Variants in ECT2 observed in about 807,000 individuals in gnomAD.
The protein encoded by ECT2 is protein ECT2.
A neutral mutation model predicts 116.9 loss-of-function variants in ECT2; 61 were observed. That is an observed-to-expected ratio of 0.52 (90% CI 0.42 to 0.65). The LOEUF is 0.65. Among genes scored for constraint, ECT2 ranks in the 30% least tolerant of loss-of-function variants. The pLI, the probability that ECT2 is intolerant of heterozygous loss-of-function variation, is 0.00. For synonymous variants in ECT2, 358 were observed against 346.4 expected (o/e 1.03, Z -0.37); for missense variants, 937 against 1,078.7 (o/e 0.87, Z 1.84).
At chr3:172,827,995 T>A in the ECT2 span, among the ~76,000 whole-genome samples, 4 of 152,192 alleles carry the variant, frequency 2.6e-5, no homozygotes, top group African/African-American at 9.6e-5. Context: ...AAAGATGATA[T>A]GATTGCTTAG....
intron 15 of ECT2, among the ~76,000 whole-genome samples, chr3:172,782,688 C>T (rs1722916010): frequency 6.6e-6 from 1 of 152,150 alleles, no homozygotes; most frequent in Non-Finnish European, 1.5e-5. Flanking sequence ...CTCCTTCCTC[C>T]TACCCTCCAC....
chr3:172,782,171 T>A lies in ECT2; in HGVS notation c.1557T>A (p.Leu519=). Residue 519 remains leucine (L), a synonymous_variant, in exon 15 of 25, where the codon CTT becomes CTA. Coordinates refer to ENST00000392692, the MANE Select transcript of ECT2 (RefSeq NM_001258315.2). ...FDVHTKIKDD[L]EDLIVNWDES... ...AATTCGTGCTATTTCAGGATGATCT[T>A]GAAGACCTTATAGTTAATTGGGATG... 9.5e-6 allele frequency: 15 copies of A among 1,572,016 alleles called. No individual in the cohort carries two copies. Among genetic ancestry groups the A allele is most frequent in the Non-Finnish European group, 1.3e-5 (15 of 1,154,810 alleles).
At chr3:172,795,323 CAAA>C (rs35674521) in intron 18 of ECT2, among the ~76,000 whole-genome samples, 64 of 104,398 alleles carry the variant, frequency 6.1e-4, no homozygotes, top group South Asian at 1.6e-3. Flanking sequence ...GAGACGCTAT[CAAA>C]AAAAAAAAAA....
chr3:172,777,334 T>C (rs1173617094), intron 14 of ECT2, among the ~76,000 whole-genome samples: 1 of 152,220 alleles, frequency 6.6e-6, no homozygotes, highest in Non-Finnish European at 1.5e-5. Context: ...ACCCACTGTC[T>C]AGCATTTAGA....
chr3:172,791,825 A>G (rs62281233), intron 18 of ECT2, among the ~76,000 whole-genome samples: 15,655 of 152,222 alleles, frequency 0.1, 1,050 homozygotes, highest in Non-Finnish European at 0.15. Flanking sequence ...TTTCTTTTGC[A>G]TTCACAGTTT....
chr3:172,805,692 C>A (rs1727551120), intron 20 of ECT2, 39 bp from the exon 21 acceptor site: 14 of 1,590,336 alleles, frequency 8.8e-6, no homozygotes, highest in Non-Finnish European at 1.2e-5. Flanking sequence ...CCTTTTTCTT[C>A]ATTTTATTGA....
At chr3:172,812,386 G>A (rs1728929474) in intron 22 of ECT2, among the ~76,000 whole-genome samples, 1 of 152,028 alleles carries the variant, frequency 6.6e-6, no homozygotes, top group African/African-American at 2.4e-5. Context: ...TTTGTAAATA[G>A]GTGACTCTTT....
chr3:172,786,656 A>T, intron 18 of ECT2, 82 bp downstream of exon 18: 1 of 913,356 alleles, frequency 1.1e-6, no homozygotes, highest in Non-Finnish European at 1.7e-6. Flanking sequence ...AAATAGGAAA[A>T]TATCAATAGC....
chr3:172,801,009 T>A (rs1393341070), intron 18 of ECT2, among the ~76,000 whole-genome samples: 2 of 152,206 alleles, frequency 1.3e-5, no homozygotes, highest in South Asian at 4.1e-4. Context: ...TTCAAAAATA[T>A]CTTTCATGTT....
At chr3:172,780,415 G>A (rs1450056384) in intron 14 of ECT2, among the ~76,000 whole-genome samples, 1 of 152,146 alleles carries the variant, frequency 6.6e-6, no homozygotes, top group Non-Finnish European at 1.5e-5. Flanking sequence ...AGAGTGTGGT[G>A]TGCAGATCCA....
At chr3:172,798,843 A>G (rs1433333085) in intron 18 of ECT2, among the ~76,000 whole-genome samples, 1 of 152,180 alleles carries the variant, frequency 6.6e-6, no homozygotes, top group Admixed American at 6.5e-5. Flanking sequence ...AACATTGGTT[A>G]TATTACCAAG....
chr3:172,801,653 TTCTTC>T (rs1407031793), intron 18 of ECT2, among the ~76,000 whole-genome samples: 2 of 152,226 alleles, frequency 1.3e-5, no homozygotes, highest in African/African-American at 4.8e-5. Flanking sequence ...CCACATTTGC[TTCTTC>T]TCTTAGGGAT....
chr3:172,809,246 C>T (rs189886319), intron 22 of ECT2, among the ~76,000 whole-genome samples: 24 of 152,024 alleles, frequency 1.6e-4, no homozygotes, highest in African/African-American at 3.9e-4. Context: ...GAAACATTAA[C>T]AGAAAATTTT....
chr3:172,811,377 A>C (rs1288115363), intron 22 of ECT2, among the ~76,000 whole-genome samples: 1 of 152,202 alleles, frequency 6.6e-6, no homozygotes, highest in African/African-American at 2.4e-5. Flanking sequence ...TTTGTATCTT[A>C]GCAAAAATAA....
the ECT2 span, chr3:172,829,161 A>G: frequency 1.9e-6 from 1 of 536,552 alleles, no homozygotes; most frequent in Non-Finnish European, 3.4e-6. Flanking sequence ...ACAGTGCCCC[A>G]GTGGTCTGCA....
At chr3:172,814,844 A>G (rs1577044827) in intron 22 of ECT2, among the ~76,000 whole-genome samples, 1 of 152,154 alleles carries the variant, frequency 6.6e-6, no homozygotes, top group South Asian at 2.1e-4. Flanking sequence ...GAAATATACA[A>G]TGCAATAATG....
At chr3:172,805,613 G>T in intron 20 of ECT2, 118 bp from the exon 21 acceptor site, 1 of 1,004,110 alleles carries the variant, frequency 1.0e-6, no homozygotes, top group Non-Finnish European at 1.4e-6. Context: ...ACTTTGTAAC[G>T]AATAATAACT....
intron 17 of ECT2, among the ~76,000 whole-genome samples, 163 bp downstream of exon 17, chr3:172,784,966 A>G (rs1723352935): frequency 6.6e-6 from 1 of 152,200 alleles, no homozygotes; most frequent in African/African-American, 2.4e-5. Flanking sequence ...TACTGGTGCT[A>G]CTAAAATTCA....
chr3:172,822,356 A>G (rs190321844), downstream of ECT2, among the ~76,000 whole-genome samples: 23 of 152,134 alleles, frequency 1.5e-4, no homozygotes, highest in East Asian at 4.4e-3. Flanking sequence ...GCATTTCTTT[A>G]TGAAATATAA....
Sources: allele counts gnomAD v4.1 joint callset (sites outside exome capture counted in the v4.1 genomes callset), GRCh38; gene constraint gnomAD v4.1.1; transcripts MANE v1.5; gene names NCBI Gene and HGNC (gene_info 2026-07-23, HGNC 2026-07-21).